TTC39B: variants seen among roughly 807,000 people sequenced by gnomAD.
TTC39B encodes tetratricopeptide repeat protein 39B.
TTC39B carries 92 observed loss-of-function variants against 96.6 expected under a neutral mutation model. The ratio of observed to expected loss-of-function variants is 0.95; its 90% CI spans 0.80 to 1.13. TTC39B has a LOEUF of 1.13. Ranked by LOEUF, TTC39B falls within the 50% of genes most tolerant of loss-of-function variation. The pLI is 0.00. For missense variants in TTC39B, 955 were observed against 809.3 expected, an observed-to-expected ratio of 1.18 and a Z score of -2.18; for synonymous variants, 367 against 299.4, an observed-to-expected ratio of 1.23 and a Z score of -2.33.
At chr9:15,239,285 G>A (rs1320251834) in intron 2 of TTC39B, among the ~76,000 whole-genome samples, 2 of 152,190 alleles carry the variant, frequency 1.3e-5, no homozygotes, top group African/African-American at 4.8e-5. Flanking sequence ...GATTGCTTAT[G>A]GAGAAAAGGG....
chr9:15,215,977 A>G (rs949168892), intron 3 of TTC39B, among the ~76,000 whole-genome samples: 2 of 152,206 alleles, frequency 1.3e-5, no homozygotes, highest in Non-Finnish European at 2.9e-5. Flanking sequence ...TAAAACATGA[A>G]AGCAAAGTGC....
intron 5 of TTC39B, among the ~76,000 whole-genome samples, chr9:15,210,612 T>TG (rs1268448609): frequency 1.3e-5 from 2 of 152,144 alleles, no homozygotes; most frequent in Non-Finnish European, 2.9e-5. Flanking sequence ...CCTAGTCCTA[T>TG]GGGGGGCACA....
At chr9:15,219,267 A>C (rs192958196) in intron 3 of TTC39B, among the ~76,000 whole-genome samples, 1 of 152,290 alleles carries the variant, frequency 6.6e-6, no homozygotes, top group African/African-American at 2.4e-5. Context: ...TCCTGGAATT[A>C]AAAGTATAAG....
At chr9:15,266,765 A>G (rs1823146883) in intron 2 of TTC39B, among the ~76,000 whole-genome samples, 1 of 152,092 alleles carries the variant, frequency 6.6e-6, no homozygotes, top group South Asian at 2.1e-4. Context: ...GGTCCTCAGG[A>G]TAGGATTAAC....
Position 15,185,334 on chromosome 9 carries a change from AG to A in TTC39B, c.1559del (p.Ala520ValfsTer12). 6.2e-7 allele frequency: 1 copy of A among 1,613,896 alleles called. No individual in the cohort carries two copies. ...CAGGTAAGGAGGCGGAGTAACGCCG[AG>A]CCTTCCTCACAGCAAACTTCTCAGT... is the stretch of plus-strand genomic sequence containing the variant. On this transcript the variant is annotated frameshift_variant, in exon 16 of 20. Transcript: ENST00000512701. LOFTEE classifies it high-confidence loss of function.
chr9:15,176,073 A>G (rs1056684782), intron 18 of TTC39B, among the ~76,000 whole-genome samples: 8 of 152,230 alleles, frequency 5.3e-5, no homozygotes, highest in Non-Finnish European at 8.8e-5. Context: ...TGTCTAAATG[A>G]TCCAAGAAGT....
intron 2 of TTC39B, among the ~76,000 whole-genome samples, chr9:15,262,001 T>C (rs950517807): frequency 1.3e-5 from 2 of 152,230 alleles, no homozygotes; most frequent in South Asian, 2.1e-4. Flanking sequence ...CAAATTTCTA[T>C]ATATCATGCA....
chr9:15,213,200 A>C (rs1021812001), intron 4 of TTC39B, among the ~76,000 whole-genome samples: 2 of 152,106 alleles, frequency 1.3e-5, no homozygotes, highest in African/African-American at 4.8e-5. Flanking sequence ...AGACAAAAGG[A>C]GGTAGAGACA....
intron 2 of TTC39B, among the ~76,000 whole-genome samples, chr9:15,227,184 G>A (rs1821169287): frequency 6.6e-6 from 1 of 151,996 alleles, no homozygotes; most frequent in African/African-American, 2.4e-5. Flanking sequence ...GCGCATGCCT[G>A]TAATCCCAGC....
At chr9:15,286,107 G>A (rs1823966925) in intron 1 of TTC39B, among the ~76,000 whole-genome samples, 1 of 152,088 alleles carries the variant, frequency 6.6e-6, no homozygotes, top group Non-Finnish European at 1.5e-5. Context: ...CCTCTTACAT[G>A]GCCACAGTGG....
exon 20 of TTC39B, chr9:15,167,026 A>ATTTT (rs1817541466): frequency 7.8e-4 from 9 of 11,588 alleles, no homozygotes; most frequent in Admixed American, 2.3e-3. Context: ...ATATATATAT[A>ATTTT]TATTTTTTTT....
In TTC39B at chr9:15,245,747, T is replaced by A. The variant is rs147417697; in HGVS notation, c.276-19735A>T. ...TAAAATATTCTATAACCCATTAATCTAAAATGATCACCGAAGAAATCCATC... is the reference window on the plus strand; with the variant it reads ...TAAAATATTCTATAACCCATTAATCAAAAATGATCACCGAAGAAATCCATC... On this transcript the variant is annotated intron_variant, in intron 2 of 19. Transcript: ENST00000512701. Among the ~76,000 whole-genome samples the A allele has an allele frequency of 5.2e-3, 797 of 152,310 alleles. 5 individuals carry two copies. The highest frequency in any genetic ancestry group is 0.018 in the African/African-American group (755 of 41,582).
chr9:15,252,021 G>A (rs187894221), intron 2 of TTC39B, among the ~76,000 whole-genome samples: 13 of 151,968 alleles, frequency 8.6e-5, no homozygotes, highest in Admixed American at 7.9e-4. Flanking sequence ...TTCACCAAAC[G>A]ACAGCAAATA....
At chr9:15,289,061 A>C (rs1563791555) in intron 1 of TTC39B, among the ~76,000 whole-genome samples, 1 of 152,184 alleles carries the variant, frequency 6.6e-6, no homozygotes, top group African/African-American at 2.4e-5. Flanking sequence ...TTCCTTATCT[A>C]CCCCAGGTAG....
At chr9:15,248,683 T>A (rs375085592) in intron 2 of TTC39B, among the ~76,000 whole-genome samples, 1 of 152,226 alleles carries the variant, frequency 6.6e-6, no homozygotes, top group African/African-American at 2.4e-5. Context: ...AGGCAGAATT[T>A]CCTAATTTTA....
chr9:15,295,662 C>T (rs1056228322), intron 1 of TTC39B, among the ~76,000 whole-genome samples: 1 of 152,192 alleles, frequency 6.6e-6, no homozygotes, highest in African/African-American at 2.4e-5. Context: ...AGTAAATTTG[C>T]ATTTTAGTAG....
chr9:15,212,642 G>C (rs1820273916), intron 4 of TTC39B, among the ~76,000 whole-genome samples: 1 of 152,078 alleles, frequency 6.6e-6, no homozygotes, highest in Non-Finnish European at 1.5e-5. Flanking sequence ...GGTCAGGCTG[G>C]TCTCGAACTC....
intron 2 of TTC39B, among the ~76,000 whole-genome samples, chr9:15,238,667 G>A (rs373264046): frequency 3.3e-5 from 5 of 152,190 alleles, no homozygotes; most frequent in East Asian, 1.9e-4. Context: ...CCATGCACAC[G>A]GACTGGAAGA....
At chr9:15,271,361 G>A (rs150464004) in intron 1 of TTC39B, among the ~76,000 whole-genome samples, 152 of 152,286 alleles carry the variant, frequency 1.0e-3, no homozygotes, top group Non-Finnish European at 1.4e-3. Context: ...TGATTTTGCT[G>A]CTCAGTGAGA....
Sources: gnomAD v4.1 joint callset for allele counts (sites outside exome capture counted in the v4.1 genomes callset) on GRCh38, gnomAD v4.1.1 for gene constraint, MANE v1.5 for transcripts, NCBI Gene and HGNC (gene_info 2026-07-23, HGNC 2026-07-21) for gene names.